Variants in VAV3 observed in about 807,000 individuals in gnomAD.
VAV3 encodes vav guanine nucleotide exchange factor 3.
A neutral mutation model predicts 131.2 loss-of-function variants in VAV3; 94 were observed. The ratio of observed to expected loss-of-function variants is 0.72; its 90% CI spans 0.61 to 0.85. VAV3 has a LOEUF of 0.85. Ranked by LOEUF, VAV3 falls within the 40% of genes least tolerant of loss-of-function variation. VAV3 has a pLI of 0.00. For missense variants in VAV3, 939 were observed against 1,002.7 expected, an observed-to-expected ratio of 0.94 and a Z score of 0.86; for synonymous variants, 349 against 342.0, an observed-to-expected ratio of 1.02 and a Z score of -0.22.
intron 2 of VAV3, among the ~76,000 whole-genome samples, chr1:107,845,404 CA>C (rs1668917667): frequency 6.6e-6 from 1 of 152,070 alleles, no homozygotes; most frequent in South Asian, 2.1e-4. Flanking sequence ...TCCAAAGGAT[CA>C]CAACTCCTTG....
At chr1:107,787,008 C>T (rs1367030476) in intron 2 of VAV3, among the ~76,000 whole-genome samples, 1 of 152,070 alleles carries the variant, frequency 6.6e-6, no homozygotes, top group Non-Finnish European at 1.5e-5. Context: ...CATACACACA[C>T]AAAAACACAT....
chr1:107,730,182 T>C (rs1662138000), intron 15 of VAV3, among the ~76,000 whole-genome samples: 2 of 152,216 alleles, frequency 1.3e-5, no homozygotes, highest in Admixed American at 6.5e-5. Flanking sequence ...AAGGAGAAGC[T>C]AGTCAATGGT....
chr1:107,597,171 C>T (rs149184661), intron 24 of VAV3, among the ~76,000 whole-genome samples: 4 of 150,000 alleles, frequency 2.7e-5, no homozygotes, highest in African/African-American at 9.8e-5. Flanking sequence ...CGAAAAATCA[C>T]TTTTAACTTA....
intron 25 of VAV3, among the ~76,000 whole-genome samples, chr1:107,587,369 G>C (rs1650581870): frequency 1.3e-5 from 2 of 152,262 alleles, no homozygotes; most frequent in South Asian, 4.1e-4. Flanking sequence ...GGAAAAAAGA[G>C]ATATCAGCAT....
At chr1:107,740,377 G>A (rs971438659) in intron 15 of VAV3, among the ~76,000 whole-genome samples, 1 of 152,104 alleles carries the variant, frequency 6.6e-6, no homozygotes, top group African/African-American at 2.4e-5. Flanking sequence ...GGACTCCGTG[G>A]GACCTGTCCT....
chr1:107,939,116 G>A (rs1049722711), intron 1 of VAV3, among the ~76,000 whole-genome samples: 1 of 152,206 alleles, frequency 6.6e-6, no homozygotes, highest in African/African-American at 2.4e-5. Context: ...TTTGCAAATC[G>A]TTCTTGGCTT....
At chr1:107,741,678 A>G (rs1008275264) in intron 15 of VAV3, among the ~76,000 whole-genome samples, 1 of 152,250 alleles carries the variant, frequency 6.6e-6, no homozygotes, top group Admixed American at 6.5e-5. Context: ...AAAAAGCCAC[A>G]GTGAATCAAG....
At chr1:107,676,092 CAAT>C (rs1181228815) in intron 19 of VAV3, among the ~76,000 whole-genome samples, 2 of 152,166 alleles carry the variant, frequency 1.3e-5, no homozygotes, top group Admixed American at 1.3e-4. Flanking sequence ...TTGTTGCACA[CAAT>C]AATAGATGTA....
At chr1:107,812,250 A>C (rs1442091564) in intron 2 of VAV3, among the ~76,000 whole-genome samples, 3 of 152,198 alleles carry the variant, frequency 2.0e-5, no homozygotes, top group Non-Finnish European at 4.4e-5. Context: ...ACTCTTGTGC[A>C]TAGATAGATT....
chr1:107,687,550 ATGGCC>A (rs1375657917), intron 18 of VAV3, among the ~76,000 whole-genome samples: 3 of 152,072 alleles, frequency 2.0e-5, no homozygotes, highest in African/African-American at 4.8e-5. Context: ...ATGTTTTGCT[ATGGCC>A]ATTTGTGGGG....
chr1:107,695,297 T>C (rs1214635236), intron 17 of VAV3, among the ~76,000 whole-genome samples: 1 of 152,230 alleles, frequency 6.6e-6, no homozygotes, highest in African/African-American at 2.4e-5. Flanking sequence ...GGAAGATAAT[T>C]TTATAAATTA....
rs376023462 is a variant in VAV3, at chr1:107,906,935, G to A, written c.205-31918C>T. Among the ~76,000 whole-genome samples the A allele has an allele frequency of 2.3e-4, 35 of 152,240 alleles. No individual in the cohort carries two copies. In the South Asian group the frequency reaches 7.3e-3, roughly 32 times the overall value. Reference sequence around the variant, plus strand: ...TAGCAGAAGTTCTTAGGCTTTCTTAGTTTAAAGCACATTTAGTGTTTATAT... The same window carrying A: ...TAGCAGAAGTTCTTAGGCTTTCTTAATTTAAAGCACATTTAGTGTTTATAT... On this transcript the variant is annotated intron_variant, in intron 1 of 26. Coordinates refer to ENST00000370056, the MANE Select transcript of VAV3 (RefSeq NM_006113.5).
chr1:107,707,675 A>C (rs1660537345), intron 15 of VAV3, among the ~76,000 whole-genome samples: 1 of 152,196 alleles, frequency 6.6e-6, no homozygotes, highest in Non-Finnish European at 1.5e-5. Flanking sequence ...TAATTATTGA[A>C]GTGTAAGAGG....
At chr1:107,618,945 G>T (rs778261971) in intron 20 of VAV3, among the ~76,000 whole-genome samples, 1 of 152,212 alleles carries the variant, frequency 6.6e-6, no homozygotes, top group Non-Finnish European at 1.5e-5. Flanking sequence ...CACCAATGTG[G>T]AATATGGCTC....
At chr1:107,596,085 G>T in intron 25 of VAV3, 127 bp downstream of exon 25, 1 of 1,253,640 alleles carries the variant, frequency 8.0e-7, no homozygotes, top group Non-Finnish European at 1.1e-6. Flanking sequence ...CTCCAGAAAA[G>T]AAGTCCTTGC....
intron 12 of VAV3, among the ~76,000 whole-genome samples, chr1:107,753,549 T>TATAC (rs771773884): frequency 4.9e-5 from 4 of 82,048 alleles, no homozygotes; most frequent in African/African-American, 1.8e-4. Context: ...TATATATATA[T>TATAC]ACACACACAC....
intron 12 of VAV3, among the ~76,000 whole-genome samples, chr1:107,754,334 G>A (rs34619071): frequency 0.23 from 35,472 of 152,146 alleles, 4,502 homozygotes; most frequent in Non-Finnish European, 0.27. Context: ...ACTGGCAGAT[G>A]ATGGTGTCCT....
chr1:107,796,802 A>ATATATAT (rs200461998), intron 2 of VAV3, among the ~76,000 whole-genome samples: 83 of 143,098 alleles, frequency 5.8e-4, no homozygotes, highest in Middle Eastern at 3.7e-3. Flanking sequence ...AAAAAAAAAA[A>ATATATAT]AAATATATAT....
chr1:107,756,359 C>G (rs1664098972), intron 11 of VAV3, among the ~76,000 whole-genome samples: 1 of 152,052 alleles, frequency 6.6e-6, no homozygotes. Context: ...TAACTTTGTT[C>G]TAAATGGAAG....
Sources: gnomAD v4.1 joint callset for allele counts (sites outside exome capture counted in the v4.1 genomes callset) on GRCh38, gnomAD v4.1.1 for gene constraint, MANE v1.5 for transcripts, NCBI Gene and HGNC (gene_info 2026-07-23, HGNC 2026-07-21) for gene names.